FAM13A: variants seen among roughly 807,000 people sequenced by gnomAD.
The protein encoded by FAM13A is protein FAM13A.
Under a neutral mutation model 129.6 loss-of-function variants are expected in FAM13A, and 76 were observed. The ratio of observed to expected loss-of-function variants is 0.59; its 90% confidence interval spans 0.49 to 0.71. FAM13A has a LOEUF of 0.71. Among genes scored for constraint, FAM13A ranks in the 30% least tolerant of loss-of-function variants. FAM13A has a pLI of 0.00. For missense variants in FAM13A, 1,108 were observed against 1,249.3 expected, an observed-to-expected ratio of 0.89 and a Z score of 1.70; for synonymous variants, 443 against 449.9, an observed-to-expected ratio of 0.98 and a Z score of 0.20.
At chr4:89,020,821 C>T (rs1250892906) in intron 2 of FAM13A, 152 bp from the exon 3 acceptor site, 2 of 634,664 alleles carry the variant, frequency 3.2e-6, no homozygotes, top group African/African-American at 3.7e-5. Flanking sequence ...TTTTGTAAAA[C>T]TTTCCTTAGA....
At chr4:88,756,884 C>G (rs2149497902) in intron 14 of FAM13A, among the ~76,000 whole-genome samples, 1 of 151,922 alleles carries the variant, frequency 6.6e-6, no homozygotes, top group Non-Finnish European at 1.5e-5. Context: ...TCAGAATGGC[C>G]TTGATGTGAA....
intron 5 of FAM13A, among the ~76,000 whole-genome samples, chr4:88,921,273 AG>A (rs1751036211): frequency 6.6e-6 from 1 of 152,116 alleles, no homozygotes; most frequent in African/African-American, 2.4e-5. Flanking sequence ...GTTGAAATGA[AG>A]GAAAAAATGT....
intron 4 of FAM13A, among the ~76,000 whole-genome samples, chr4:88,939,848 T>C (rs1369580800): frequency 6.6e-6 from 1 of 152,160 alleles, no homozygotes; most frequent in South Asian, 2.1e-4. Context: ...CACAGTAAGA[T>C]GCTAGGGTCC....
intron 6 of FAM13A, among the ~76,000 whole-genome samples, chr4:88,875,480 A>G (rs1260275602): frequency 6.6e-6 from 1 of 152,224 alleles, no homozygotes; most frequent in Non-Finnish European, 1.5e-5. Context: ...AAGTGGGCAA[A>G]GGTTATAACA....
intron 19 of FAM13A, among the ~76,000 whole-genome samples, chr4:88,744,690 G>A (rs1255795429): frequency 6.6e-6 from 1 of 152,022 alleles, no homozygotes; most frequent in African/African-American, 2.4e-5. Flanking sequence ...TACAGTCCAG[G>A]GTCCATGGTA....
At chr4:88,745,723 T>C (rs1741171658) in intron 19 of FAM13A, among the ~76,000 whole-genome samples, 1 of 152,174 alleles carries the variant, frequency 6.6e-6, no homozygotes, top group Non-Finnish European at 1.5e-5. Flanking sequence ...TCTAGAGCAT[T>C]TACTATTTGG....
chr4:88,953,221 G>C (rs2609274), intron 4 of FAM13A, among the ~76,000 whole-genome samples: 1 of 151,772 alleles, frequency 6.6e-6, no homozygotes, highest in South Asian at 2.1e-4. Flanking sequence ...TTGGGAAACC[G>C]AGGCGGGCAG....
intron 11 of FAM13A, among the ~76,000 whole-genome samples, chr4:88,776,638 TGGTG>T: frequency 6.6e-6 from 1 of 152,314 alleles, no homozygotes; most frequent in South Asian, 2.1e-4. Context: ...AATAGCCTTG[TGGTG>T]AGCAAATTAA....
intron 1 of FAM13A, among the ~76,000 whole-genome samples, chr4:89,036,790 TCCAGCTCCAG>T (rs772317393): frequency 9.2e-5 from 14 of 152,140 alleles, no homozygotes; most frequent in Non-Finnish European, 1.9e-4. Flanking sequence ...TCCCAATCAC[TCCAGCTCCAG>T]CCATGGCTAA....
At chr4:88,917,065 C>T (rs1750238603) in intron 5 of FAM13A, among the ~76,000 whole-genome samples, 1 of 152,160 alleles carries the variant, frequency 6.6e-6, no homozygotes, top group South Asian at 2.1e-4. Context: ...TCAGTTTATC[C>T]TACACATGGA....
In FAM13A at chr4:88,968,383, T is replaced by C. The variant is rs369722105; in HGVS notation, c.605+22590A>G. Among the ~76,000 whole-genome samples, 377 of 152,318 alleles carry C rather than the reference T, an allele frequency of 2.5e-3. 11 individuals are homozygous for C. In the South Asian group the frequency reaches 0.075, roughly 30 times the overall value. The stretch of plus-strand genomic sequence containing the variant: ...GCCAAACAACCATTGTTTTCCAACA[T>C]AGCAAGTACAAAAATATATAATCAG... On this transcript the variant is annotated intron_variant, in intron 4 of 23. Transcript: ENST00000264344.
intron 6 of FAM13A, among the ~76,000 whole-genome samples, chr4:88,854,164 T>C (rs1387440595): frequency 6.6e-6 from 1 of 152,204 alleles, no homozygotes; most frequent in Non-Finnish European, 1.5e-5. Context: ...TCTGTCCCTC[T>C]AGTGAACCCT....
intron 5 of FAM13A, among the ~76,000 whole-genome samples, chr4:88,909,259 G>T (rs1748650576): frequency 6.6e-6 from 1 of 152,196 alleles, no homozygotes; most frequent in East Asian, 1.9e-4. Flanking sequence ...ATATTCTTCG[G>T]CTATAAAAAG....
At chr4:89,009,789 T>C (rs772647110) in intron 3 of FAM13A, among the ~76,000 whole-genome samples, 1 of 151,570 alleles carries the variant, frequency 6.6e-6, no homozygotes, top group Non-Finnish European at 1.5e-5. Flanking sequence ...CCAGGGAGAG[T>C]GAAGAAGACC....
At chr4:89,006,023 A>AG (rs59542459) in intron 3 of FAM13A, among the ~76,000 whole-genome samples, 82,158 of 152,006 alleles carry the variant, frequency 0.54, 22,767 homozygotes, top group Middle Eastern at 0.7. Flanking sequence ...GTTGTCTTCC[A>AG]GGTTTTTATA....
At chr4:88,821,206 C>T (rs1009743931) in intron 7 of FAM13A, among the ~76,000 whole-genome samples, 6 of 152,196 alleles carry the variant, frequency 3.9e-5, no homozygotes, top group Non-Finnish European at 7.3e-5. Context: ...CTGGTCTTTA[C>T]CTTCAGGAGG....
intron 3 of FAM13A, among the ~76,000 whole-genome samples, chr4:89,010,894 G>A (rs1187257854): frequency 6.6e-6 from 1 of 151,924 alleles, no homozygotes; most frequent in Non-Finnish European, 1.5e-5. Context: ...TGTTGCCCAG[G>A]CTGGAGTGCA....
intron 1 of FAM13A, among the ~76,000 whole-genome samples, chr4:89,038,749 G>A (rs1162696594): frequency 6.6e-6 from 1 of 152,158 alleles, no homozygotes; most frequent in Non-Finnish European, 1.5e-5. Flanking sequence ...GCAGTTAAAT[G>A]TAGAATGAAT....
At chr4:88,786,891 TAAGAA>T (rs1164569236) in intron 10 of FAM13A, among the ~76,000 whole-genome samples, 2 of 151,924 alleles carry the variant, frequency 1.3e-5, no homozygotes, top group Admixed American at 6.6e-5. Context: ...GATTAAAAAT[TAAGAA>T]AAGAAAGAAA....
Sources: gnomAD v4.1 joint callset for allele counts (sites outside exome capture counted in the v4.1 genomes callset) on GRCh38, gnomAD v4.1.1 for gene constraint, MANE v1.5 for transcripts, NCBI Gene and HGNC (gene_info 2026-07-23, HGNC 2026-07-21) for gene names.